DAAM1: variants seen among roughly 807,000 people sequenced by gnomAD.
The protein encoded by DAAM1 is dishevelled associated activator of morphogenesis 1.
DAAM1 carries 52 observed loss-of-function variants against 130.0 expected under a neutral mutation model. The ratio of observed to expected loss-of-function variants is 0.40; its 90% CI spans 0.32 to 0.50. The LOEUF (loss-of-function observed/expected upper bound fraction) is 0.50, where lower values mean the gene tolerates loss of function less well. Ranked by LOEUF, DAAM1 falls within the 20% of genes least tolerant of loss-of-function variation. The pLI, the probability that DAAM1 is intolerant of heterozygous loss-of-function variation, is 0.61. For synonymous variants in DAAM1, 452 were observed against 444.5 expected (o/e 1.02, Z -0.21); for missense variants, 1,134 against 1,303.8 (o/e 0.87, Z 2.01).
At chr14:59,248,188 T>C (rs898599785) in intron 1 of DAAM1, among the ~76,000 whole-genome samples, 2 of 152,216 alleles carry the variant, frequency 1.3e-5, no homozygotes, top group Admixed American at 6.5e-5. Context: ...TCTTGAATTA[T>C]CCAATAAAGC....
chr14:59,369,176 C>G lies in DAAM1; in HGVS notation c.*317C>G, dbSNP rs1463205400. On this transcript the variant is annotated 3_prime_UTR_variant, in exon 25 of 25. Coordinates refer to ENST00000360909, the MANE Select transcript of DAAM1 (RefSeq NM_001270520.2). ...CGAACGCCATGACTGTTCAGAAGCA[C>G]AATACTATCTCCTGAAAGAGATAAG... 4.8e-6 allele frequency: 1 copy of G among 209,294 alleles called. No individual in the cohort carries two copies. The highest frequency in any genetic ancestry group is 5.6e-5 in the Admixed American group (1 of 17,790). The allele number at this position is 209,294 out of a possible 1,614,324, so 13.0% of individuals were successfully genotyped here.
chr14:59,221,180 C>G (rs1264853547), intron 1 of DAAM1, among the ~76,000 whole-genome samples: 1 of 152,144 alleles, frequency 6.6e-6, no homozygotes, highest in Non-Finnish European at 1.5e-5. Context: ...GAGGTGAAGT[C>G]CTTGAGTGAT....
chr14:59,335,455 C>T (rs945870624), intron 15 of DAAM1, among the ~76,000 whole-genome samples: 1 of 152,166 alleles, frequency 6.6e-6, no homozygotes, highest in East Asian at 1.9e-4. Context: ...TAGCACATTG[C>T]ATAGCAGTAC....
At chr14:59,228,973 A>G (rs535787920) in intron 1 of DAAM1, among the ~76,000 whole-genome samples, 33 of 152,298 alleles carry the variant, frequency 2.2e-4, no homozygotes, top group African/African-American at 7.5e-4. Context: ...GTTACATTGT[A>G]TTTAGAAAAT....
intron 16 of DAAM1, among the ~76,000 whole-genome samples, chr14:59,342,834 T>C (rs559693347): frequency 1.3e-5 from 2 of 152,180 alleles, no homozygotes; most frequent in South Asian, 2.1e-4. Flanking sequence ...AAGACTGTTA[T>C]ATGACAAGAG....
intron 1 of DAAM1, among the ~76,000 whole-genome samples, chr14:59,200,793 A>G (rs1319701068): frequency 6.6e-6 from 1 of 152,122 alleles, no homozygotes; most frequent in Non-Finnish European, 1.5e-5. Context: ...TTCGCAGTGG[A>G]TTTTTAAAAA....
Position 59,315,360 on chromosome 14 carries a change from A to C in DAAM1, c.345+9A>C, listed in dbSNP as rs928229404. The C allele has an allele frequency of 3.1e-6, 5 of 1,612,896 alleles. No homozygotes were observed. Among genetic ancestry groups the C allele is most frequent in the Middle Eastern group, 1.7e-4 (1 of 6,056 alleles). ...TCAATTCCATGGCTGCTGTAAGTAGACTTTTATGTTCTTTGACACACTGTT... is the reference window on the plus strand; with the variant it reads ...TCAATTCCATGGCTGCTGTAAGTAGCCTTTTATGTTCTTTGACACACTGTT... On this transcript the variant is annotated intron_variant, in intron 4 of 24. Transcript: ENST00000360909.
intron 3 of DAAM1, among the ~76,000 whole-genome samples, chr14:59,305,629 C>G (rs1008568267): frequency 3.9e-5 from 6 of 152,162 alleles, no homozygotes; most frequent in African/African-American, 1.4e-4. Context: ...TAACCACCCC[C>G]CAACTCCTTG....
At chr14:59,238,699 G>A (rs1370996784) in intron 1 of DAAM1, among the ~76,000 whole-genome samples, 1 of 152,126 alleles carries the variant, frequency 6.6e-6, no homozygotes, top group Admixed American at 6.6e-5. Flanking sequence ...CTGTTCAGAT[G>A]AACAGAGTGA....
At chr14:59,337,784 A>G (rs1885685340) in intron 15 of DAAM1, among the ~76,000 whole-genome samples, 2 of 152,018 alleles carry the variant, frequency 1.3e-5, no homozygotes, top group Admixed American at 6.6e-5. Flanking sequence ...TTTTCCTCAT[A>G]CCTACCTGTA....
chr14:59,360,709 G>A, intron 21 of DAAM1, 93 bp from the exon 22 acceptor site: 1 of 1,027,250 alleles, frequency 9.7e-7, no homozygotes, highest in Non-Finnish European at 1.4e-6. Flanking sequence ...ATTAAAATAG[G>A]ATGGACTTCC....
At chr14:59,301,795 C>T (rs1884182220) in intron 3 of DAAM1, among the ~76,000 whole-genome samples, 1 of 152,166 alleles carries the variant, frequency 6.6e-6, no homozygotes, top group African/African-American at 2.4e-5. Flanking sequence ...TGCTGTCTAT[C>T]CCCCATTCCT....
chr14:59,301,702 C>A (rs752095520), intron 3 of DAAM1, among the ~76,000 whole-genome samples: 1 of 152,166 alleles, frequency 6.6e-6, no homozygotes, highest in Non-Finnish European at 1.5e-5. Context: ...GCAACTTTAT[C>A]TCGAGCATTT....
chr14:59,330,793 A>G, intron 13 of DAAM1, 105 bp downstream of exon 13: 2 of 1,147,870 alleles, frequency 1.7e-6, no homozygotes, highest in South Asian at 3.7e-5. Context: ...AAAATCTGAA[A>G]TGGCTCATGA....
In DAAM1 at chr14:59,326,038, C is replaced by T. The variant is rs780561755; in HGVS notation, c.1135C>T (p.His379Tyr). The T allele has an allele frequency of 6.2e-7, 1 of 1,614,210 alleles. No individual in the cohort carries two copies. Residue 379 changes from histidine to tyrosine, a missense_variant, in exon 10 of 25, where the codon CAT becomes TAT. Around this residue, in one of 3 missense-constraint regions of DAAM1, gnomAD observed 391 missense variants for 521.6 expected, o/e 0.75. Transcript: ENST00000360909. ...KRLTHSEAYP[H>Y]FMSILHHCLQ... ...GCTGACACATAGTGAAGCTTACCCGCATTTCATGTCCATCCTGCACCACTG... is the reference window on the plus strand; with the variant it reads ...GCTGACACATAGTGAAGCTTACCCGTATTTCATGTCCATCCTGCACCACTG...
At chr14:59,231,139 TTTC>T (rs1214602374) in intron 1 of DAAM1, among the ~76,000 whole-genome samples, 6 of 152,334 alleles carry the variant, frequency 3.9e-5, no homozygotes, top group Admixed American at 2.0e-4. Flanking sequence ...CCACTTCCTT[TTTC>T]TTCAAACATA....
intron 1 of DAAM1, among the ~76,000 whole-genome samples, chr14:59,199,886 T>A (rs1419596421): frequency 6.6e-6 from 1 of 152,144 alleles, no homozygotes; most frequent in East Asian, 1.9e-4. Flanking sequence ...CCAAAATGTC[T>A]CCAGACATTG....
intron 1 of DAAM1, among the ~76,000 whole-genome samples, chr14:59,205,010 G>T (rs1888218953): frequency 6.6e-6 from 1 of 152,156 alleles, no homozygotes; most frequent in Admixed American, 6.5e-5. Flanking sequence ...GTTTTATGTG[G>T]AGTGAAAATG....
intron 1 of DAAM1, among the ~76,000 whole-genome samples, chr14:59,260,021 G>A (rs920926972): frequency 2.6e-5 from 4 of 152,042 alleles, no homozygotes; most frequent in Non-Finnish European, 4.4e-5. Context: ...TCTAGCCTGG[G>A]CAACAGAGCA....
Sources: gnomAD v4.1 joint callset for allele counts (sites outside exome capture counted in the v4.1 genomes callset) on GRCh38, gnomAD v4.1.1 for gene constraint, gnomAD v4.1.1 regional missense constraint, MANE v1.5 for transcripts, NCBI Gene and HGNC (gene_info 2026-07-23, HGNC 2026-07-21) for gene names.